DST: variants seen among roughly 807,000 people sequenced by gnomAD.
DST encodes the protein bullous pemphigoid antigen.
In DST, 253 loss-of-function variants were observed where a neutral mutation model predicts 875.2. The observed-to-expected ratio is 0.29, with a 90% CI of 0.26 to 0.32. The LOEUF is 0.32. Ranked by LOEUF, DST falls within the 10% of genes least tolerant of loss-of-function variation. The probability of loss-of-function intolerance (pLI) is 1.00; values close to 1 mark genes in which losing one functional copy is unlikely to be tolerated. For synonymous variants in DST, 3,124 were observed against 3,197.1 expected, an observed-to-expected ratio of 0.98 and a Z score of 0.77; for missense variants, 8,287 against 9,111.6, an observed-to-expected ratio of 0.91 and a Z score of 3.68.
At chr6:56,566,810 T>C (rs144183331) in intron 55 of DST, among the ~76,000 whole-genome samples, 60 of 152,330 alleles carry the variant, frequency 3.9e-4, no homozygotes, top group African/African-American at 1.4e-3. Flanking sequence ...TGCAGTTACA[T>C]GGTGTTATCA....
chr6:56,593,134 G>C (rs968085211), intron 48 of DST, among the ~76,000 whole-genome samples: 10 of 152,108 alleles, frequency 6.6e-5, no homozygotes, highest in Non-Finnish European at 1.5e-5. Flanking sequence ...TGAGAGCTGG[G>C]ACTTCTGGAA....
chr6:56,560,369 T>C lies in DST; in HGVS notation c.14365A>G (p.Lys4789Glu), dbSNP rs767911596. The C allele has an allele frequency of 1.2e-6, 2 of 1,608,346 alleles. No homozygotes were observed. Among genetic ancestry groups the C allele is most frequent in the African/African-American group, 1.3e-5 (1 of 74,980 alleles). The change falls in exon 58 of 104, where the codon AAA becomes GAA. Residue 4789 changes from lysine to glutamate, a missense_variant. Coordinates refer to ENST00000680361, the MANE Select transcript of DST (RefSeq NM_001374736.1). Reference sequence around the variant, plus strand: ...TTCTCCTCCAACAGCTCTGTCAATTTGTCTTTCAACTCCTGTACTTTGTTT... The same window carrying C: ...TTCTCCTCCAACAGCTCTGTCAATTCGTCTTTCAACTCCTGTACTTTGTTT... The part of the protein sequence containing the change: ...NVNKVQELKD[K>E]LTELLEENPD...
intron 10 of DST, among the ~76,000 whole-genome samples, chr6:56,652,128 C>T (rs114339742): frequency 0.011 from 1,703 of 152,280 alleles, 28 homozygotes; most frequent in African/African-American, 0.039. Context: ...CACAGTCACA[C>T]ATCCCAGACT....
intron 3 of DST, among the ~76,000 whole-genome samples, chr6:56,862,605 T>G (rs1229648722): frequency 6.6e-6 from 1 of 152,122 alleles, no homozygotes; most frequent in Non-Finnish European, 1.5e-5. Flanking sequence ...TGAAGGGTTA[T>G]AAGTAGTTTG....
At chr6:56,684,418 T>C (rs1401015772) in intron 9 of DST, among the ~76,000 whole-genome samples, 1 of 152,184 alleles carries the variant, frequency 6.6e-6, no homozygotes, top group East Asian at 1.9e-4. Flanking sequence ...ACAGAGATAT[T>C]TAACTTAAAG....
At chr6:56,578,431 TC>T (rs2097909205) in intron 50 of DST, among the ~76,000 whole-genome samples, 1 of 152,032 alleles carries the variant, frequency 6.6e-6, no homozygotes, top group Admixed American at 6.6e-5. Context: ...AAACCCACGT[TC>T]CCACTATTGA....
At chr6:56,719,138 AT>A (rs756283924) in intron 5 of DST, among the ~76,000 whole-genome samples, 1 of 152,236 alleles carries the variant, frequency 6.6e-6, no homozygotes, top group Non-Finnish European at 1.5e-5. Context: ...CACATGAAAA[AT>A]ATCTGTATCT....
At chr6:56,652,641 T>C (rs1477932911) in intron 10 of DST, among the ~76,000 whole-genome samples, 1 of 152,208 alleles carries the variant, frequency 6.6e-6, no homozygotes, top group African/African-American at 2.4e-5. Context: ...TTGTACTCTT[T>C]TATGGTGAGA....
intron 3 of DST, among the ~76,000 whole-genome samples, chr6:56,862,726 T>C (rs141490658): frequency 2.1e-4 from 32 of 152,124 alleles, no homozygotes; most frequent in African/African-American, 7.2e-4. Flanking sequence ...AACTAAATCA[T>C]TGAAATTGGG....
rs2098908588 is a variant in DST, at chr6:56,641,885, T to G, written c.2027+62A>C. On this transcript the variant is annotated intron_variant, in intron 17 of 103. Transcript: ENST00000680361. ...AATTTTCATACTCTACATTCCTATT[T>G]CAAATGCCCATGAAACAGTTACACA... The G allele has an allele frequency of 9.7e-6, 13 of 1,344,118 alleles. 1 individual carries two copies. In the South Asian group the frequency reaches 1.9e-4, roughly 20 times the overall value. 83.3% of individuals were successfully genotyped at this position (1,344,118 alleles called of 1,614,324 possible).
At chr6:56,736,759 T>G (rs2099526293) in intron 4 of DST, among the ~76,000 whole-genome samples, 1 of 152,132 alleles carries the variant, frequency 6.6e-6, no homozygotes, top group African/African-American at 2.4e-5. Flanking sequence ...GTATATCAAC[T>G]AGGGAAAATA....
intron 69 of DST, among the ~76,000 whole-genome samples, chr6:56,518,575 TTTGTATATAAATTTC>T (rs2096639359): frequency 6.6e-6 from 1 of 152,164 alleles, no homozygotes; most frequent in Non-Finnish European, 1.5e-5. Flanking sequence ...AATGAATATA[TTTGTATATAAATTTC>T]TGTTGGCATC....
intron 9 of DST, among the ~76,000 whole-genome samples, chr6:56,684,767 T>C (rs1313427445): frequency 2.6e-5 from 4 of 152,190 alleles, no homozygotes; most frequent in East Asian, 1.9e-4. Context: ...TGCACATAGA[T>C]AGGTCATGAA....
In DST at chr6:56,608,513, G is replaced by C. The variant is rs773348432; in HGVS notation, c.6115C>G (p.Pro2039Ala). 9.3e-6 allele frequency: 15 copies of C among 1,613,478 alleles called. No homozygotes were observed. The highest frequency in any genetic ancestry group is 1.2e-5 in the Non-Finnish European group (14 of 1,179,742). The change falls in exon 40 of 104, where the codon CCT becomes GCT. Residue 2039 changes from proline to alanine, a missense_variant. This residue lies in a region of DST where 3,138 missense variants were observed against 3,116.6 expected (regional missense o/e 1.01). Coordinates refer to ENST00000680361, the MANE Select transcript of DST (RefSeq NM_001374736.1). ...VQTGGIIQSN[P>A]AKRLTVDEAV... ...TCGTCTACAGTTAAACGCTTGGCAG[G>C]GTTTGACTGGATGATTCCACCAGTT...
intron 49 of DST, among the ~76,000 whole-genome samples, chr6:56,583,732 C>A (rs1320155434): frequency 6.6e-6 from 1 of 152,128 alleles, no homozygotes; most frequent in Non-Finnish European, 1.5e-5. Flanking sequence ...GGTTTTAGGT[C>A]TAACATTTAA....
At chr6:56,711,905 A>C (rs541075040) in intron 5 of DST, among the ~76,000 whole-genome samples, 36 of 151,582 alleles carry the variant, frequency 2.4e-4, no homozygotes, top group Middle Eastern at 6.8e-3. Flanking sequence ...TCCCGGCTAA[A>C]ACGGTGAAAC....
intron 5 of DST, among the ~76,000 whole-genome samples, chr6:56,712,851 T>C (rs116197223): frequency 0.023 from 3,428 of 152,310 alleles, 104 homozygotes; most frequent in African/African-American, 0.071. Context: ...TCAAAAAATG[T>C]GTATTTCCTC....
chr6:56,911,343 C>T (rs1798753870), intron 2 of DST, among the ~76,000 whole-genome samples: 1 of 152,142 alleles, frequency 6.6e-6, no homozygotes. Flanking sequence ...TTCTAACAGG[C>T]TTCCAGGGTA....
chr6:56,504,871 G>GA (rs112268236), intron 77 of DST, among the ~76,000 whole-genome samples: 5,343 of 150,842 alleles, frequency 0.035, 114 homozygotes, highest in Non-Finnish European at 0.043. Context: ...AATAAAAAAA[G>GA]AAAAAAAAAT....
Sources: allele counts gnomAD v4.1 joint callset (sites outside exome capture counted in the v4.1 genomes callset), GRCh38; gene constraint gnomAD v4.1.1; regional missense constraint gnomAD v4.1.1; transcripts MANE v1.5; gene names NCBI Gene and HGNC (gene_info 2026-07-23, HGNC 2026-07-21).